PLD1: variants seen among roughly 807,000 people sequenced by gnomAD.
The protein encoded by PLD1 is phospholipase D1, also known as choline phosphatase 1.
Under a neutral mutation model 137.1 loss-of-function variants are expected in PLD1, and 112 were observed. The observed-to-expected ratio is 0.82, with a 90% confidence interval of 0.70 to 0.96. PLD1 has a LOEUF of 0.96. PLD1 is among the 40% of genes least tolerant of loss of function. PLD1 has a pLI of 0.00. For synonymous variants in PLD1, 431 were observed against 454.7 expected (o/e 0.95, Z 0.66); for missense variants, 1,321 against 1,342.0 (o/e 0.98, Z 0.24).
At chr3:171,657,824 A>G (rs1210696277) in intron 21 of PLD1, among the ~76,000 whole-genome samples, 1 of 152,190 alleles carries the variant, frequency 6.6e-6, no homozygotes, top group Non-Finnish European at 1.5e-5. Flanking sequence ...CTTTTATCAA[A>G]ATAAAAAAAA....
At chr3:171,783,381 G>A (rs1254780489) in intron 1 of PLD1, among the ~76,000 whole-genome samples, 1 of 152,026 alleles carries the variant, frequency 6.6e-6, no homozygotes, top group Non-Finnish European at 1.5e-5. Context: ...AAAGAGGAGA[G>A]AGGCAAGTAG....
intron 26 of PLD1, among the ~76,000 whole-genome samples, chr3:171,604,937 G>A (rs1202168810): frequency 1.3e-5 from 2 of 152,196 alleles, no homozygotes; most frequent in African/African-American, 2.4e-5. Flanking sequence ...CACCAGCAAC[G>A]GGGTGAGCTA....
At chr3:171,700,831 C>T (rs1474639081) in intron 11 of PLD1, among the ~76,000 whole-genome samples, 1 of 152,098 alleles carries the variant, frequency 6.6e-6, no homozygotes, top group Non-Finnish European at 1.5e-5. Flanking sequence ...GCTAAGAGTA[C>T]AATAGAGTCA....
intron 6 of PLD1, among the ~76,000 whole-genome samples, chr3:171,729,721 A>T (rs1454246942): frequency 1.3e-5 from 2 of 152,246 alleles, no homozygotes; most frequent in African/African-American, 2.4e-5. Context: ...AGACTCAATC[A>T]TAAGAAAGAA....
In PLD1 at chr3:171,645,156, A is replaced by T. The variant is rs1043595448; in HGVS notation, c.2430-133T>A. On this transcript the variant is annotated intron_variant, in intron 21 of 26. Coordinates refer to ENST00000351298, the MANE Select transcript of PLD1 (RefSeq NM_002662.5). Reference sequence around the variant, plus strand: ...CCTACAACACGTTCTGTCACATTTCAGGACTTGGGAGGGTGTGCTGTTGGA... The same window carrying T: ...CCTACAACACGTTCTGTCACATTTCTGGACTTGGGAGGGTGTGCTGTTGGA... The T allele has an allele frequency of 5.2e-5, 34 of 656,480 alleles. No individual in the cohort carries two copies. The African/African-American group carries it at 5.7e-4, about 11-fold the overall frequency. 40.7% of individuals were successfully genotyped at this position (656,480 alleles called of 1,614,324 possible).
At chr3:171,652,909 C>G (rs1458028450) in intron 21 of PLD1, among the ~76,000 whole-genome samples, 16 of 151,534 alleles carry the variant, frequency 1.1e-4, no homozygotes, top group Admixed American at 1.1e-3. Flanking sequence ...GCCACAGTGC[C>G]CAGCTCATTC....
rs781220881 is a variant in PLD1 at position 171,687,541 on chromosome 3, T to C, written c.1583A>G (p.Lys528Arg). ...ESMESLRLKD[K>R]NEPVQNLPIQ... ...GGGTAGGTTTTGAACAGGCTCATTT[T>C]TATCTTTGAGTCTTAAGGATTCCAT... Residue 528 changes from lysine (K) to arginine (R), a missense_variant, in exon 15 of 27, where the codon AAA becomes AGA. Lys to Arg is a conservative substitution (Grantham distance 26, BLOSUM62 2). Coordinates refer to ENST00000351298, the MANE Select transcript of PLD1 (RefSeq NM_002662.5). 2 of 1,614,176 alleles carry C rather than the reference T, an allele frequency of 1.2e-6. No individual in the cohort carries two copies. Among genetic ancestry groups the C allele is most frequent in the East Asian group, 2.2e-5 (1 of 44,876 alleles).
chr3:171,643,627 G>C (rs1013227312), intron 22 of PLD1, among the ~76,000 whole-genome samples: 1 of 151,932 alleles, frequency 6.6e-6, no homozygotes, highest in Non-Finnish European at 1.5e-5. Context: ...TCGAAGGCAA[G>C]AAAATAGTCA....
At chr3:171,704,668 A>T (rs1385387209) in intron 11 of PLD1, among the ~76,000 whole-genome samples, 1 of 152,236 alleles carries the variant, frequency 6.6e-6, no homozygotes, top group African/African-American at 2.4e-5. Context: ...AAAAATTTTC[A>T]AAGTGAAAAA....
chr3:171,726,856 A>G (rs1220120810), intron 6 of PLD1, among the ~76,000 whole-genome samples: 1 of 152,184 alleles, frequency 6.6e-6, no homozygotes, highest in African/African-American at 2.4e-5. Context: ...CCCATTGTAC[A>G]GAAGACGAAA....
intron 19 of PLD1, among the ~76,000 whole-genome samples, chr3:171,673,628 T>C (rs560072637): frequency 1.3e-5 from 2 of 152,208 alleles, no homozygotes; most frequent in East Asian, 1.9e-4. Context: ...ATTTCTTATA[T>C]ACACATACCT....
Position 171,677,565 on chromosome 3 carries a change from C to A in PLD1, c.1996+1G>T, listed in dbSNP as rs1395760098. Reference sequence around the variant, plus strand: ...CAGCACCCCACCATTATGATACTCACCAGCAAAAGGTTTATCAAGTTGAAC... The same window carrying A: ...CAGCACCCCACCATTATGATACTCAACAGCAAAAGGTTTATCAAGTTGAAC... On this transcript the variant is annotated splice_donor_variant, in intron 17 of 26. Coordinates refer to ENST00000351298, the MANE Select transcript of PLD1 (RefSeq NM_002662.5). LOFTEE classifies it high-confidence loss of function. 4 of 1,613,184 alleles carry A rather than the reference C, an allele frequency of 2.5e-6. No individual in the cohort carries two copies. In the African/African-American group the frequency reaches 4.0e-5, roughly 16 times the overall value.
chr3:171,756,450 C>T (rs1721033786), intron 1 of PLD1, among the ~76,000 whole-genome samples: 1 of 152,096 alleles, frequency 6.6e-6, no homozygotes, highest in Admixed American at 6.6e-5. Context: ...TAAAGTAATG[C>T]CTTAATGGGA....
intron 16 of PLD1, among the ~76,000 whole-genome samples, chr3:171,684,810 T>C (rs1253201380): frequency 6.6e-6 from 1 of 152,138 alleles, no homozygotes; most frequent in Non-Finnish European, 1.5e-5. Context: ...TGGTCTTGAA[T>C]TCCTGGGCTC....
intron 11 of PLD1, among the ~76,000 whole-genome samples, chr3:171,700,339 CTCT>C (rs1716138636): frequency 6.9e-6 from 1 of 145,904 alleles, no homozygotes; most frequent in African/African-American, 2.8e-5. Flanking sequence ...CACACACTCT[CTCT>C]CTCTCTCTCC....
intron 1 of PLD1, chr3:171,792,299 T>C: frequency 6.3e-6 from 2 of 315,308 alleles, no homozygotes; most frequent in Non-Finnish European, 6.3e-6. Context: ...ATATGCACCC[T>C]GTACCTCCGT....
chr3:171,786,536 C>CAAAGAATTAGACAGAAT (rs1359305643), intron 1 of PLD1, among the ~76,000 whole-genome samples: 2 of 152,096 alleles, frequency 1.3e-5, no homozygotes, highest in African/African-American at 2.4e-5. Flanking sequence ...ATTCTAATCT[C>CAAAGAATTAGACAGAAT]AAAGAATTAG....
At chr3:171,766,489 A>T (rs1382098989) in intron 1 of PLD1, among the ~76,000 whole-genome samples, 1 of 152,184 alleles carries the variant, frequency 6.6e-6, no homozygotes, top group East Asian at 1.9e-4. Flanking sequence ...TTTTAAACAC[A>T]TTCAGATGTG....
chr3:171,800,822 T>A (rs1237195411), intron 1 of PLD1, among the ~76,000 whole-genome samples: 2 of 152,202 alleles, frequency 1.3e-5, no homozygotes, highest in Non-Finnish European at 2.9e-5. Context: ...CACTAACCCG[T>A]CACTTAGTGA....
Sources: allele counts gnomAD v4.1 joint callset (sites outside exome capture counted in the v4.1 genomes callset), GRCh38; gene constraint gnomAD v4.1.1; transcripts MANE v1.5; gene names NCBI Gene and HGNC (gene_info 2026-07-23, HGNC 2026-07-21).